ACSL4: variants seen among roughly 807,000 people sequenced by gnomAD.
ACSL4 encodes long-chain-fatty-acid--CoA ligase 4.
Under a neutral mutation model 49.1 loss-of-function variants are expected in ACSL4, and 9 were observed. That is an observed-to-expected ratio of 0.18 (90% CI 0.11 to 0.32). ACSL4 has a LOEUF of 0.32. ACSL4 is among the 10% of genes least tolerant of loss of function. The pLI, the probability that ACSL4 is intolerant of heterozygous loss-of-function variation, is 1.00. For missense variants in ACSL4, 333 were observed against 493.7 expected, an observed-to-expected ratio of 0.67 and a Z score of 3.08; for synonymous variants, 191 against 170.3, an observed-to-expected ratio of 1.12 and a Z score of -0.95.
At position 109,663,402 on chromosome X, in the gene ACSL4, C is replaced by T. The variant is rs1922339622; in HGVS notation, c.1391G>A (p.Gly464Asp). The T allele has an allele frequency of 4.2e-6, 5 of 1,203,990 alleles. No individual in the cohort carries two copies. The highest frequency in any genetic ancestry group is 5.6e-6 in the Non-Finnish European group (5 of 888,973). The part of the protein sequence containing the change: ...CEIKLKDWQE[G>D]GYTINDKPNP... The stretch of plus-strand genomic sequence containing the variant: ...TGGCTTGTCATTAATTGTATAACCG[C>T]CTGGAAATCATAAAAGTAAATTAGT... Residue 464 changes from glycine (G) to aspartate (D), a missense_variant and splice_region_variant, in exon 13 of 16, where the codon GGC becomes GAC. Physicochemically the swap from Gly to Asp is moderately conservative, Grantham distance 94. Transcript: ENST00000672401.
At chrX:109,703,363 A>G (rs1569437240) in intron 1 of ACSL4, among the ~76,000 whole-genome samples, 1 of 112,124 alleles carries the variant, frequency 8.9e-6, no homozygotes, top group Non-Finnish European at 1.9e-5. Flanking sequence ...TAATTGTACT[A>G]TAATCGTGTA....
chrX:109,641,948 G>T lies in ACSL4; in HGVS notation c.*2081C>A, dbSNP rs137881687. 264 of 112,357 alleles carry T rather than the reference G, an allele frequency of 2.3e-3. 2 individuals carry two copies. Among genetic ancestry groups the T allele is most frequent in the African/African-American group, 8.4e-3 (258 of 30,884 alleles). 9.3% of individuals were successfully genotyped at this position (112,357 alleles called of 1,213,427 possible). ...TACTTGAAAAGTCACTATGGATATG[G>T]AAAGATTTGTTTACATAAACATGTA... On this transcript the variant is annotated 3_prime_UTR_variant, in exon 16 of 16. Coordinates refer to ENST00000672401, the MANE Select transcript of ACSL4 (RefSeq NM_001318510.2).
chrX:109,698,974 G>A (rs1925661414), intron 1 of ACSL4, among the ~76,000 whole-genome samples: 1 of 112,742 alleles, frequency 8.9e-6, no homozygotes, highest in African/African-American at 3.2e-5. Flanking sequence ...TGTTGGAAAT[G>A]TTTCAAGCAC....
At chrX:109,697,285 A>G (rs1350606751) in intron 1 of ACSL4, among the ~76,000 whole-genome samples, 1 of 111,861 alleles carries the variant, frequency 8.9e-6, no homozygotes, top group Non-Finnish European at 1.9e-5. Flanking sequence ...GCTTTATTCC[A>G]TCCAGCAGTA....
intron 15 of ACSL4, among the ~76,000 whole-genome samples, chrX:109,649,747 A>C (rs1254558256): frequency 1.8e-5 from 2 of 109,348 alleles, no homozygotes; most frequent in Non-Finnish European, 3.8e-5. Flanking sequence ...GCAACCTACA[A>C]AATGGGAGAA....
chrX:109,649,337 A>G (rs938357713), intron 15 of ACSL4, among the ~76,000 whole-genome samples: 2 of 111,639 alleles, frequency 1.8e-5, no homozygotes, highest in African/African-American at 6.5e-5. Context: ...GATACAGATC[A>G]ATGGAACAGA....
chrX:109,687,340 C>G (rs1159539932), intron 2 of ACSL4, among the ~76,000 whole-genome samples: 1 of 112,182 alleles, frequency 8.9e-6, no homozygotes, highest in African/African-American at 3.2e-5. Context: ...ATAAGAGAAA[C>G]AACAAAAATT....
At chrX:109,699,110 T>A (rs952785662) in intron 1 of ACSL4, among the ~76,000 whole-genome samples, 4 of 112,460 alleles carry the variant, frequency 3.6e-5, no homozygotes, top group African/African-American at 1.3e-4. Context: ...CTCATGCCTA[T>A]TATCCCAGTA....
chrX:109,660,122 T>A (rs1201022511), intron 14 of ACSL4, among the ~76,000 whole-genome samples: 1 of 109,349 alleles, frequency 9.1e-6, no homozygotes, highest in Non-Finnish European at 1.9e-5. Flanking sequence ...CTTGTGTGTA[T>A]CAAAAGACTC....
In ACSL4 at chrX:109,642,462, T is replaced by G. The variant is rs771016316; in HGVS notation, c.*1567A>C. The G allele has an allele frequency of 9.0e-6, 1 of 111,670 alleles. No homozygotes were observed. Among genetic ancestry groups the G allele is most frequent in the Non-Finnish European group, 1.9e-5 (1 of 53,045 alleles). 9.2% of individuals were successfully genotyped at this position (111,670 alleles called of 1,213,427 possible). A position where few individuals can be genotyped will look rare whatever the true frequency, so the allele number is the denominator to read the frequency against. On this transcript the variant is annotated 3_prime_UTR_variant, in exon 16 of 16. Transcript: ENST00000672401. The stretch of plus-strand genomic sequence containing the variant: ...CATTCTTGTTTATAATACTTGATTT[T>G]TCCCTTATTACCACCATATACATAA...
chrX:109,645,648 A>T (rs1244053226), intron 15 of ACSL4, among the ~76,000 whole-genome samples: 2 of 112,586 alleles, frequency 1.8e-5, no homozygotes, highest in African/African-American at 6.5e-5. Context: ...GTTCCTCACC[A>T]GCAACGGAAC....
intron 9 of ACSL4, among the ~76,000 whole-genome samples, chrX:109,674,145 C>G (rs1923489404): frequency 1.8e-5 from 2 of 111,337 alleles, no homozygotes; most frequent in Admixed American, 1.9e-4. Context: ...AGTAGGTAAC[C>G]TGAACTAGGT....
rs758708168 is a variant in ACSL4, at chrX:109,644,611, G to T, written c.1856-425C>A. Among the ~76,000 whole-genome samples, 14 of 112,066 alleles carry T rather than the reference G, an allele frequency of 1.2e-4. 3 individuals are homozygous for T. The South Asian group carries it at 1.5e-3, about 12-fold the overall frequency. ...ACTTCCATACTTTATCCATATGTCT[G>T]CTCAAATACCACCACCCCGGAGAGG... On this transcript the variant is annotated intron_variant, in intron 15 of 15. Transcript: ENST00000672401.
chrX:109,645,032 G>C (rs1340343331), intron 15 of ACSL4, among the ~76,000 whole-genome samples: 1 of 113,009 alleles, frequency 8.8e-6, no homozygotes, highest in Non-Finnish European at 1.9e-5. Flanking sequence ...CGCCCACGGA[G>C]TCTCGCTGAT....
chrX:109,658,351 A>C (rs1198537841), intron 15 of ACSL4, among the ~76,000 whole-genome samples: 1 of 111,130 alleles, frequency 9.0e-6, no homozygotes, highest in East Asian at 2.8e-4. Flanking sequence ...GTCCTCTTCA[A>C]CTGGCCTTCT....
At chrX:109,689,624 G>T (rs1396969358) in intron 2 of ACSL4, among the ~76,000 whole-genome samples, 1 of 111,976 alleles carries the variant, frequency 8.9e-6, no homozygotes, top group East Asian at 2.8e-4. Flanking sequence ...GTTCTTCCAA[G>T]ACATCTACGT....
rs2147344539 is a variant in ACSL4 at position 109,643,995 on chromosome X, C to G, written c.*34G>C. 1 of 1,204,719 alleles carries G rather than the reference C, an allele frequency of 8.3e-7. No homozygotes were observed. Among genetic ancestry groups the G allele is most frequent in the Non-Finnish European group, 1.1e-6 (1 of 890,495 alleles). On this transcript the variant is annotated 3_prime_UTR_variant, in exon 16 of 16. Transcript: ENST00000672401. ...CTAGAGGTTGAAAACCACCAGGCTA[C>G]CTCCTGCACAACTGTCAATAAGACA...
chrX:109,727,509 C>T (rs1234270980), intron 1 of ACSL4, among the ~76,000 whole-genome samples: 1 of 111,725 alleles, frequency 9.0e-6, no homozygotes, highest in Non-Finnish European at 1.9e-5. Context: ...CAAAATCAAC[C>T]GTCTCAACTC....
At chrX:109,703,447 G>A (rs770961970) in intron 1 of ACSL4, among the ~76,000 whole-genome samples, 2 of 111,407 alleles carry the variant, frequency 1.8e-5, no homozygotes, top group South Asian at 7.5e-4. Context: ...TCTATTGTGA[G>A]TCTAAAATTT....
Sources: allele counts gnomAD v4.1 joint callset (sites outside exome capture counted in the v4.1 genomes callset), GRCh38; gene constraint gnomAD v4.1.1; transcripts MANE v1.5; gene names NCBI Gene and HGNC (gene_info 2026-07-23, HGNC 2026-07-21).